Variants in SLC9B1 observed in about 807,000 individuals in gnomAD.
SLC9B1 encodes the protein solute carrier family 9 member B1.
A neutral mutation model predicts 51.7 loss-of-function variants in SLC9B1; 32 were observed. The observed-to-expected ratio is 0.62, with a 90% CI of 0.47 to 0.83. SLC9B1 has a LOEUF of 0.83. SLC9B1 is among the 40% of genes least tolerant of loss of function. The pLI, the probability that SLC9B1 is intolerant of heterozygous loss-of-function variation, is 0.00. For missense variants in SLC9B1, 406 were observed against 613.2 expected (o/e 0.66, Z 3.57); for synonymous variants, 145 against 212.7 (o/e 0.68, Z 2.77).
intron 1 of SLC9B1, among the ~76,000 whole-genome samples, chr4:103,017,165 A>T (rs568927898): frequency 6.6e-6 from 1 of 152,204 alleles, no homozygotes; most frequent in African/African-American, 2.4e-5. Context: ...TATTCAAAAC[A>T]TCACAAAATC....
At chr4:102,903,538 C>A (rs1336264300) in intron 11 of SLC9B1, among the ~76,000 whole-genome samples, 1 of 152,204 alleles carries the variant, frequency 6.6e-6, no homozygotes, top group Non-Finnish European at 1.5e-5. Flanking sequence ...AGGCAAGTAA[C>A]ATGGTATTCA....
chr4:102,943,943 G>A (rs955985399), intron 6 of SLC9B1, among the ~76,000 whole-genome samples: 6 of 152,114 alleles, frequency 3.9e-5, no homozygotes, highest in Non-Finnish European at 5.9e-5. Flanking sequence ...TGGTGAACTG[G>A]ATAAAGAAAA....
At chr4:102,929,925 T>C (rs1210911084) in intron 7 of SLC9B1, among the ~76,000 whole-genome samples, 2 of 151,980 alleles carry the variant, frequency 1.3e-5, no homozygotes, top group African/African-American at 4.8e-5. Flanking sequence ...TAAAAAACTT[T>C]AACTTCTGAA....
intron 3 of SLC9B1, among the ~76,000 whole-genome samples, chr4:102,985,249 C>T (rs1447485517): frequency 6.6e-6 from 1 of 152,172 alleles, no homozygotes; most frequent in African/African-American, 2.4e-5. Context: ...TTGACCCACT[C>T]TAGCAATCTC....
At chr4:102,897,541 T>G (rs13135341), downstream of SLC9B1, 1 of 287,296 alleles carries the variant, frequency 3.5e-6, no homozygotes, top group Non-Finnish European at 6.8e-6. Context: ...GGAATCAGCC[T>G]CTATCAGCCA....
At chr4:102,959,120 C>A (rs888990010) in intron 3 of SLC9B1, among the ~76,000 whole-genome samples, 4 of 151,922 alleles carry the variant, frequency 2.6e-5, no homozygotes, top group Non-Finnish European at 4.4e-5. Context: ...TATTACTGTA[C>A]AGGACTTTAA....
chr4:102,905,306 C>T (rs893339089), intron 11 of SLC9B1, among the ~76,000 whole-genome samples: 18 of 151,432 alleles, frequency 1.2e-4, no homozygotes, highest in African/African-American at 3.9e-4. Flanking sequence ...CTGCAACCTC[C>T]GCCTCCTGGG....
chr4:103,000,542 T>C (rs1740464835), intron 1 of SLC9B1, among the ~76,000 whole-genome samples: 1 of 152,232 alleles, frequency 6.6e-6, no homozygotes, highest in Admixed American at 6.5e-5. Context: ...TGGGTAAATA[T>C]TCCTGTTCTA....
intron 8 of SLC9B1, 41 bp downstream of exon 8, chr4:102,911,389 AT>A (rs1390111714): frequency 1.4e-6 from 2 of 1,382,746 alleles, no homozygotes; most frequent in Middle Eastern, 2.6e-4. Context: ...TTTGAAAAAA[AT>A]GTCTAATACT....
chr4:102,916,163 T>TA (rs1479260277), intron 7 of SLC9B1, among the ~76,000 whole-genome samples: 1 of 152,170 alleles, frequency 6.6e-6, no homozygotes. Context: ...CAAATGGATT[T>TA]AAAAAAATCT....
At position 102,948,366 on chromosome 4, in the gene SLC9B1, A is replaced by ACG. The variant is rs1385767208; in HGVS notation, c.382+890_382+891insCG. ...CACACACACACACACACACACACAC[A>ACG]CTACTGGTCAATATCCCTGATGAAC... On this transcript the variant is annotated intron_variant, in intron 4 of 11. Coordinates refer to ENST00000296422, the MANE Select transcript of SLC9B1 (RefSeq NM_139173.4). Among the ~76,000 whole-genome samples, 70 of 150,486 alleles carry ACG rather than the reference A, an allele frequency of 4.7e-4. 1 individual carries two copies. Among genetic ancestry groups the ACG allele is most frequent in the African/African-American group, 1.7e-3 (68 of 40,600 alleles).
intron 6 of SLC9B1, among the ~76,000 whole-genome samples, chr4:102,936,983 A>T (rs1736753163): frequency 6.6e-6 from 1 of 152,288 alleles, no homozygotes; most frequent in East Asian, 1.9e-4. Context: ...TGAAAGAAAA[A>T]AACATGAAAG....
chr4:102,934,413 T>C (rs183275228), intron 6 of SLC9B1, among the ~76,000 whole-genome samples: 1 of 152,294 alleles, frequency 6.6e-6, no homozygotes, highest in East Asian at 1.9e-4. Flanking sequence ...CTTTCATAAA[T>C]GGTGTTGAGA....
chr4:102,887,316 A>G lies in SLC9B1; in HGVS notation c.1333-1988T>C, dbSNP rs769482359. 28 of 1,144,932 alleles carry G rather than the reference A, an allele frequency of 2.4e-5. No homozygotes were observed. The Admixed American group carries it at 4.8e-4, about 20-fold the overall frequency. 70.9% of individuals were successfully genotyped at this position (1,144,932 alleles called of 1,614,324 possible). On this transcript the variant is annotated intron_variant, in intron 11 of 11. Transcript: ENST00000394789. ...TAATGAATCATATTTTAAAAATAAC[A>G]CTTGTAATTCTTTTTTCTTTTTAGT...
At chr4:102,923,871 G>A (rs1211845647) in intron 7 of SLC9B1, among the ~76,000 whole-genome samples, 1 of 152,164 alleles carries the variant, frequency 6.6e-6, no homozygotes, top group Non-Finnish European at 1.5e-5. Flanking sequence ...ACCTCTTCAA[G>A]GAGAACTACA....
intron 7 of SLC9B1, among the ~76,000 whole-genome samples, chr4:102,927,105 T>C (rs932211770): frequency 6.6e-5 from 10 of 152,274 alleles, no homozygotes; most frequent in Admixed American, 4.6e-4. Context: ...TAATTCAAGA[T>C]GGATTAAAGA....
chr4:102,929,148 G>C (rs1165512232), intron 7 of SLC9B1, among the ~76,000 whole-genome samples: 1 of 152,172 alleles, frequency 6.6e-6, no homozygotes, highest in Non-Finnish European at 1.5e-5. Context: ...CAATCAAGTT[G>C]ACACTTACTT....
chr4:102,956,368 T>G (rs1347901550), intron 3 of SLC9B1, among the ~76,000 whole-genome samples: 1 of 150,526 alleles, frequency 6.6e-6, no homozygotes. Flanking sequence ...AGAAAGTTTG[T>G]GATAAGTTCT....
intron 3 of SLC9B1, among the ~76,000 whole-genome samples, chr4:102,980,768 CCCA>C (rs1739311117): frequency 6.6e-6 from 1 of 152,076 alleles, no homozygotes; most frequent in Admixed American, 6.6e-5. Context: ...AATCCCGGCT[CCCA>C]CACACTTCCT....
Sources: allele counts gnomAD v4.1 joint callset (sites outside exome capture counted in the v4.1 genomes callset), GRCh38; gene constraint gnomAD v4.1.1; transcripts MANE v1.5; gene names NCBI Gene and HGNC (gene_info 2026-07-23, HGNC 2026-07-21).